Variants in ADGRE1 observed in about 807,000 individuals in gnomAD.
The protein encoded by ADGRE1 is EGF-like module receptor 1.
Under a neutral mutation model 102.7 loss-of-function variants are expected in ADGRE1, and 82 were observed. The observed-to-expected ratio is 0.80, with a 90% CI of 0.67 to 0.96. The LOEUF (loss-of-function observed/expected upper bound fraction) is 0.96. ADGRE1 is among the 40% of genes least tolerant of loss of function. The probability of loss-of-function intolerance (pLI) is 0.00; values close to 1 mark genes in which losing one functional copy is unlikely to be tolerated. For missense variants in ADGRE1, 1,032 were observed against 1,085.3 expected (o/e 0.95, Z 0.69); for synonymous variants, 398 against 399.6 (o/e 1.00, Z 0.05).
intron 1 of ADGRE1, among the ~76,000 whole-genome samples, chr19:6,889,907 T>C (rs1309108457): frequency 1.3e-5 from 2 of 151,986 alleles, no homozygotes; most frequent in African/African-American, 4.8e-5. Context: ...TGCTTTAATG[T>C]ATGTTTTTGA....
At chr19:6,931,386 G>A (rs1954575386) in intron 17 of ADGRE1, among the ~76,000 whole-genome samples, 1 of 152,082 alleles carries the variant, frequency 6.6e-6, no homozygotes, top group African/African-American at 2.4e-5. Context: ...ACAGAGACTT[G>A]TTGTTTCACA....
At chr19:6,905,906 TAGAC>T (rs1160324389) in intron 8 of ADGRE1, among the ~76,000 whole-genome samples, 3 of 152,164 alleles carry the variant, frequency 2.0e-5, no homozygotes, top group Admixed American at 6.5e-5. Context: ...GTATCCTCCT[TAGAC>T]AGCCACTTGG....
chr19:6,918,431 ACT>A (rs1272602793), intron 12 of ADGRE1, among the ~76,000 whole-genome samples: 2 of 151,636 alleles, frequency 1.3e-5, no homozygotes, highest in South Asian at 2.1e-4. Flanking sequence ...ACAGAGCAAG[ACT>A]CTGTCTCAAA....
intron 12 of ADGRE1, 146 bp from the exon 13 acceptor site, chr19:6,919,402 A>C: frequency 5.7e-6 from 3 of 523,048 alleles, no homozygotes; most frequent in Non-Finnish European, 6.2e-6. Context: ...GGTGAGGTGC[A>C]TGACTCTCTC....
At position 6,916,280 on chromosome 19, in the gene ADGRE1, C is replaced by A. The variant is rs749649204; in HGVS notation, c.1332C>A (p.Cys444Ter). The A allele has an allele frequency of 1.9e-6, 3 of 1,612,896 alleles. No individual in the cohort carries two copies. In the South Asian group the frequency reaches 3.3e-5, roughly 18 times the overall value. The change falls in exon 12 of 21, where the codon TGC (cysteine) becomes TGA (stop). Residue 444 changes from cysteine (C) to a stop codon, truncating the protein, a stop_gained. Coordinates refer to ENST00000312053, the MANE Select transcript of ADGRE1 (RefSeq NM_001974.5). LOFTEE classifies it high-confidence loss of function. ...DIESKVINKE[C>*]SEENVTLDLV... Reference sequence around the variant, plus strand: ...AGAGCAAAGTTATCAACAAAGAATGCAGTGAAGAGAATGTGACGTTGGACT... The same window carrying A: ...AGAGCAAAGTTATCAACAAAGAATGAAGTGAAGAGAATGTGACGTTGGACT...
chr19:6,891,155 GAGTA>G (rs1327459316), intron 2 of ADGRE1: 1 of 152,112 alleles, frequency 6.6e-6, no homozygotes, highest in Non-Finnish European at 1.5e-5. Context: ...TCGTGGTAGT[GAGTA>G]AGTCTCACGA....
At chr19:6,915,920 CAAAAAAA>C (rs67370670) in intron 11 of ADGRE1, among the ~76,000 whole-genome samples, 932 of 59,118 alleles carry the variant, frequency 0.016, 16 homozygotes, top group African/African-American at 0.071. Context: ...GACTCCGTCT[CAAAAAAA>C]AAAAAAAAAA....
intron 11 of ADGRE1, 59 bp from the exon 12 acceptor site, chr19:6,916,190 C>A: frequency 6.4e-7 from 1 of 1,563,818 alleles, no homozygotes; most frequent in African/African-American, 1.4e-5. Flanking sequence ...TGGACAGAAA[C>A]CAAATTCAGG....
intron 10 of ADGRE1, among the ~76,000 whole-genome samples, chr19:6,909,133 C>CAA (rs35098506): frequency 1.3e-4 from 15 of 114,258 alleles, no homozygotes; most frequent in African/African-American, 4.4e-4. Context: ...GACTCCATCT[C>CAA]AAAAAAAAAA....
chr19:6,920,193 C>T (rs1974586383), intron 13 of ADGRE1, among the ~76,000 whole-genome samples: 1 of 150,934 alleles, frequency 6.6e-6, no homozygotes, highest in Non-Finnish European at 1.5e-5. Flanking sequence ...AGGTCTTGAT[C>T]TGATTGGATC....
At chr19:6,899,035 G>T (rs1219681654) in intron 5 of ADGRE1, among the ~76,000 whole-genome samples, 1 of 152,124 alleles carries the variant, frequency 6.6e-6, no homozygotes, top group African/African-American at 2.4e-5. Flanking sequence ...CTCGCTACTT[G>T]CTTTGTGATC....
At chr19:6,914,939 G>T (rs1230473348) in intron 11 of ADGRE1, among the ~76,000 whole-genome samples, 1 of 152,138 alleles carries the variant, frequency 6.6e-6, no homozygotes, top group African/African-American at 2.4e-5. Flanking sequence ...GGCTGAAGTG[G>T]CATTGAAGAT....
intron 17 of ADGRE1, among the ~76,000 whole-genome samples, chr19:6,932,332 G>A (rs1337192919): frequency 1.3e-5 from 2 of 152,074 alleles, no homozygotes; most frequent in African/African-American, 2.4e-5. Flanking sequence ...GCCAGGCGTG[G>A]TGGTGCACGC....
chr19:6,914,410 A>C (rs992915294), intron 11 of ADGRE1, among the ~76,000 whole-genome samples: 1 of 152,162 alleles, frequency 6.6e-6, no homozygotes, highest in South Asian at 2.1e-4. Context: ...TTTTTAATCC[A>C]CTAAGACTTA....
Position 6,896,491 on chromosome 19 carries a change from T to A in ADGRE1, c.188T>A (p.Leu63Gln). Reference protein sequence around the residue: ...SYYCACKQGFLSSNGQNHFKD... With the variant: ...SYYCACKQGFQSSNGQNHFKD... ...TATTGCGCTTGCAAACAAGGCTTCC[T>A]GTCCAGCAATGGGCAAAATCACTTC... Residue 63 changes from leucine to glutamine, a missense_variant, in exon 3 of 21, where the codon CTG (leucine) becomes CAG (glutamine). Coordinates refer to ENST00000312053, the MANE Select transcript of ADGRE1 (RefSeq NM_001974.5). 1 of 1,614,164 alleles carries A rather than the reference T, an allele frequency of 6.2e-7. No homozygotes were observed. Among genetic ancestry groups the A allele is most frequent in the Non-Finnish European group, 8.5e-7 (1 of 1,179,992 alleles).
intron 1 of ADGRE1, among the ~76,000 whole-genome samples, chr19:6,889,086 A>G (rs543991211): frequency 1.3e-5 from 2 of 151,498 alleles, no homozygotes; most frequent in East Asian, 3.9e-4. Context: ...TGGTGTGATA[A>G]TGACCATGAA....
chr19:6,938,194 G>A (rs923642481), intron 20 of ADGRE1, among the ~76,000 whole-genome samples: 1 of 151,932 alleles, frequency 6.6e-6, no homozygotes, highest in Non-Finnish European at 1.5e-5. Flanking sequence ...AAAATTAGCC[G>A]GGCATGGTGG....
At chr19:6,887,751 A>G (rs1973204064) in intron 1 of ADGRE1, 112 bp downstream of exon 1, 1 of 1,175,846 alleles carries the variant, frequency 8.5e-7, no homozygotes, top group Non-Finnish European at 1.2e-6. Flanking sequence ...TCCAGACTGG[A>G]TGCTGCAAAC....
At position 6,940,065 on chromosome 19, in the gene ADGRE1, C is replaced by G; in HGVS notation, c.*36C>G. ...TGCTTTCAAATATGCTATGGAGCCA[C>G]AGTTGAGGACAGTAGTTTCCTGCAG... is the stretch of plus-strand genomic sequence containing the variant. On this transcript the variant is annotated 3_prime_UTR_variant, in exon 21 of 21. Coordinates refer to ENST00000312053, the MANE Select transcript of ADGRE1 (RefSeq NM_001974.5). 6.2e-7 allele frequency: 1 copy of G among 1,610,690 alleles called. No homozygotes were observed. Among genetic ancestry groups the G allele is most frequent in the African/African-American group, 1.3e-5 (1 of 74,986 alleles).
Sources: gnomAD v4.1 joint callset for allele counts (sites outside exome capture counted in the v4.1 genomes callset) on GRCh38, gnomAD v4.1.1 for gene constraint, MANE v1.5 for transcripts, NCBI Gene and HGNC (gene_info 2026-07-23, HGNC 2026-07-21) for gene names.